DNAJA4: variants seen among roughly 807,000 people sequenced by gnomAD.
DNAJA4 encodes the protein DnaJ heat shock protein family (Hsp40) member A4.
In DNAJA4, 32 loss-of-function variants were observed where a neutral mutation model predicts 39.7. That is an observed-to-expected ratio of 0.81 (90% CI 0.61 to 1.08). The LOEUF is 1.08. DNAJA4 is among the 50% of genes least tolerant of loss of function. The pLI is 0.00. For missense variants in DNAJA4, 439 were observed against 505.1 expected, an observed-to-expected ratio of 0.87 and a Z score of 1.25; for synonymous variants, 184 against 182.4, an observed-to-expected ratio of 1.01 and a Z score of -0.07.
Position 78,275,484 on chromosome 15 carries a change from A to C in DNAJA4, c.647-14A>C, listed in dbSNP as rs376559741. 171 of 1,595,832 alleles carry C rather than the reference A, an allele frequency of 1.1e-4. 1 individual carries two copies. The highest frequency in any genetic ancestry group is 3.3e-4 in the Middle Eastern group (2 of 6,020). ...ATGAGAAATGGCTAATCAGAAAGGG[A>C]TGATGTTTCATAGGTATGAAAGATG... On this transcript the variant is annotated splice_polypyrimidine_tract_variant and intron_variant, in intron 4 of 6. Coordinates refer to ENST00000394852, the MANE Select transcript of DNAJA4 (RefSeq NM_001130182.2).
intron 5 of DNAJA4, chr15:78,278,082 T>C (rs746749210): frequency 3.9e-5 from 18 of 456,010 alleles, no homozygotes; most frequent in Admixed American, 1.2e-4. Context: ...TAGCCTGTTA[T>C]GAGCATTGCT....
At chr15:78,270,824 A>G (rs1410273284) in intron 2 of DNAJA4, 147 bp downstream of exon 2, 2 of 848,260 alleles carry the variant, frequency 2.4e-6, no homozygotes, top group East Asian at 5.5e-5. Context: ...TTGGGAGGCC[A>G]AGGTGGGAGA....
At chr15:78,272,691 CAG>C (rs1312471993) in intron 2 of DNAJA4, among the ~76,000 whole-genome samples, 2 of 152,204 alleles carry the variant, frequency 1.3e-5, no homozygotes, top group African/African-American at 4.8e-5. Context: ...GTGAAAGATC[CAG>C]AGACTTTGGC....
At position 78,280,618 on chromosome 15, in the gene DNAJA4, G is replaced by A; in HGVS notation, c.*158G>A. On this transcript the variant is annotated 3_prime_UTR_variant, in exon 7 of 7. Coordinates refer to ENST00000394852, the MANE Select transcript of DNAJA4 (RefSeq NM_001130182.2). ...GAGTGTCTTTTTGGCTTTTCTTTTG[G>A]TTGTAACTTAAGTTATAGCTTAATT... is the stretch of plus-strand genomic sequence containing the variant. The A allele has an allele frequency of 1.6e-6, 1 of 612,414 alleles. No individual in the cohort carries two copies. Among genetic ancestry groups the A allele is most frequent in the Non-Finnish European group, 2.8e-6 (1 of 360,384 alleles). 37.9% of individuals were successfully genotyped at this position (612,414 alleles called of 1,614,324 possible).
At chr15:78,273,570 A>G (rs1254707308) in intron 3 of DNAJA4, among the ~76,000 whole-genome samples, 6 of 152,236 alleles carry the variant, frequency 3.9e-5, no homozygotes, top group Admixed American at 3.9e-4. Flanking sequence ...TTTTTCTGTA[A>G]AGAGCCAGAT....
intron 1 of DNAJA4, among the ~76,000 whole-genome samples, chr15:78,267,695 G>T (rs991180481): frequency 1.3e-5 from 2 of 152,076 alleles, no homozygotes; most frequent in Non-Finnish European, 1.5e-5. Context: ...AGAACACAGA[G>T]GGAAACCTAC....
intron 1 of DNAJA4, among the ~76,000 whole-genome samples, chr15:78,265,115 C>G (rs1439697602): frequency 6.6e-6 from 1 of 152,236 alleles, no homozygotes; most frequent in Non-Finnish European, 1.5e-5. Context: ...TGGTGCGGCA[C>G]TTGGGTCCCT....
intron 5 of DNAJA4, among the ~76,000 whole-genome samples, chr15:78,278,826 ATTTTTT>A (rs33990133): frequency 1.8e-4 from 16 of 87,504 alleles, no homozygotes; most frequent in African/African-American, 7.1e-4. Context: ...TAGTTTTTCT[ATTTTTT>A]TTTTTTTTTT....
At position 78,280,416 on chromosome 15, in the gene DNAJA4, G is replaced by A. The variant is rs750865351; in HGVS notation, c.1150G>A (p.Asp384Asn). 6 of 1,613,738 alleles carry A rather than the reference G, an allele frequency of 3.7e-6. No individual in the cohort carries two copies. Among genetic ancestry groups the A allele is most frequent in the Non-Finnish European group, 3.4e-6 (4 of 1,179,954 alleles). The part of the protein sequence containing the change: ...WRQHREAYEE[D>N]EDGPQAGVQC... Reference sequence around the variant, plus strand: ...TCAGCACAGGGAGGCCTACGAGGAGGACGAAGACGGGCCCCAGGCTGGAGT... The same window carrying A: ...TCAGCACAGGGAGGCCTACGAGGAGAACGAAGACGGGCCCCAGGCTGGAGT... Residue 384 changes from aspartate (D) to asparagine (N), a missense_variant, in exon 7 of 7, where the codon GAC (aspartate) becomes AAC (asparagine). Transcript: ENST00000394852.
chr15:78,280,527 A>T lies in DNAJA4; in HGVS notation c.*67A>T. ...TGAATGTAAAGTTGGCACAATGAAA[A>T]TGACATCGCTTTAATGGCCTTGTGT... On this transcript the variant is annotated 3_prime_UTR_variant, in exon 7 of 7. Transcript: ENST00000394852. 1 of 1,355,198 alleles carries T rather than the reference A, an allele frequency of 7.4e-7. No individual in the cohort carries two copies. The highest frequency in any genetic ancestry group is 1.0e-6 in the Non-Finnish European group (1 of 987,332). The allele number at this position is 1,355,198 out of a possible 1,614,324, so 83.9% of individuals were successfully genotyped here.
Position 78,280,442 on chromosome 15 carries a change from G to A in DNAJA4, c.1176G>A (p.Val392=). ...EEDEDGPQAG[V]QCQTA The stretch of plus-strand genomic sequence containing the variant: ...ACGAAGACGGGCCCCAGGCTGGAGT[G>A]CAGTGCCAGACGGCATGACGTGGTG... Residue 392 remains valine (V), a synonymous_variant, in exon 7 of 7, where the codon GTG becomes GTA. Coordinates refer to ENST00000394852, the MANE Select transcript of DNAJA4 (RefSeq NM_001130182.2). The A allele has an allele frequency of 6.2e-7, 1 of 1,612,028 alleles. No homozygotes were observed. The highest frequency in any genetic ancestry group is 8.5e-7 in the Non-Finnish European group (1 of 1,179,378).
At chr15:78,264,515 T>C, upstream of DNAJA4, 1 of 1,231,602 alleles carries the variant, frequency 8.1e-7, no homozygotes, top group Non-Finnish European at 1.0e-6. Context: ...TTGCGGAAGC[T>C]TCCGCCGGCG....
At chr15:78,274,067 T>C in intron 3 of DNAJA4, 130 bp from the exon 4 acceptor site, 2 of 773,228 alleles carry the variant, frequency 2.6e-6, no homozygotes, top group Admixed American at 2.9e-5. Flanking sequence ...CATTGTTTTT[T>C]ATTATTGTAA....
At chr15:78,268,820 C>T (rs2049215008) in intron 1 of DNAJA4, among the ~76,000 whole-genome samples, 1 of 152,162 alleles carries the variant, frequency 6.6e-6, no homozygotes, top group Non-Finnish European at 1.5e-5. Flanking sequence ...GCTTATGTTG[C>T]AGTGGGGGCT....
In DNAJA4 at chr15:78,282,037, T is replaced by G. The variant is rs955073363; in HGVS notation, c.*1577T>G. ...GTGTCGTTTTTGTGCTGTGACTTCC[T>G]AATTATTGCTAAAGAACTACTGTTT... is the stretch of plus-strand genomic sequence containing the variant. On this transcript the variant is annotated 3_prime_UTR_variant, in exon 7 of 7. Coordinates refer to ENST00000394852, the MANE Select transcript of DNAJA4 (RefSeq NM_001130182.2). The G allele has an allele frequency of 3.3e-5, 5 of 152,240 alleles. No individual in the cohort carries two copies. Among genetic ancestry groups the G allele is most frequent in the Admixed American group, 2.6e-4 (4 of 15,288 alleles). The allele number at this position is 152,240 out of a possible 1,614,324, so 9.4% of individuals were successfully genotyped here.
chr15:78,271,362 C>T (rs937836693), intron 2 of DNAJA4, among the ~76,000 whole-genome samples: 2 of 152,126 alleles, frequency 1.3e-5, no homozygotes, highest in African/African-American at 4.8e-5. Flanking sequence ...GTTCCTCTCT[C>T]CTCTTGCCCA....
intron 4 of DNAJA4, chr15:78,275,227 C>T (rs544117585): frequency 1.1e-4 from 50 of 442,434 alleles, no homozygotes; most frequent in South Asian, 9.0e-4. Flanking sequence ...ATCACAGGCC[C>T]TGGGCAGGGA....
At chr15:78,275,820 A>T in intron 5 of DNAJA4, 92 bp downstream of exon 5, 1 of 854,032 alleles carries the variant, frequency 1.2e-6, no homozygotes, top group Non-Finnish European at 1.8e-6. Flanking sequence ...GCTACATAAT[A>T]TTTTACATAT....
Position 78,280,621 on chromosome 15 carries a change from G to A in DNAJA4, c.*161G>A. 2 of 599,722 alleles carry A rather than the reference G, an allele frequency of 3.3e-6. No individual in the cohort carries two copies. Among genetic ancestry groups the A allele is most frequent in the Non-Finnish European group, 5.7e-6 (2 of 349,070 alleles). The allele number at this position is 599,722 out of a possible 1,614,324, so 37.2% of individuals were successfully genotyped here. The stretch of plus-strand genomic sequence containing the variant: ...TGTCTTTTTGGCTTTTCTTTTGGTT[G>A]TAACTTAAGTTATAGCTTAATTTAT... On this transcript the variant is annotated 3_prime_UTR_variant, in exon 7 of 7. Transcript: ENST00000394852.
Sources: allele counts gnomAD v4.1 joint callset (sites outside exome capture counted in the v4.1 genomes callset), GRCh38; gene constraint gnomAD v4.1.1; transcripts MANE v1.5; gene names NCBI Gene and HGNC (gene_info 2026-07-23, HGNC 2026-07-21).